SPECC1L: variants seen among roughly 807,000 people sequenced by gnomAD.
SPECC1L encodes sperm antigen with calponin homology and coiled-coil domains 1 like, also known as cytospin-A.
A neutral mutation model predicts 116.8 loss-of-function variants in SPECC1L; 40 were observed. The observed-to-expected ratio is 0.34, with a 90% CI of 0.27 to 0.45. The LOEUF is 0.45. Ranked by LOEUF, SPECC1L falls within the 20% of genes least tolerant of loss-of-function variation. The pLI, the probability that SPECC1L is intolerant of heterozygous loss-of-function variation, is 1.00. For missense variants in SPECC1L, 1,110 were observed against 1,373.6 expected (o/e 0.81, Z 3.03); for synonymous variants, 504 against 500.6 (o/e 1.01, Z -0.09).
At chr22:24,371,760 C>T (rs562688401) in intron 14 of SPECC1L, among the ~76,000 whole-genome samples, 4 of 152,210 alleles carry the variant, frequency 2.6e-5, no homozygotes, top group Non-Finnish European at 5.9e-5. Context: ...CTCATTCTGT[C>T]ACCCAGGCTG....
intron 3 of SPECC1L, among the ~76,000 whole-genome samples, chr22:24,310,352 A>T (rs962230026): frequency 1.3e-5 from 2 of 152,186 alleles, no homozygotes; most frequent in African/African-American, 4.8e-5. Flanking sequence ...GTATTATTGG[A>T]GGTGTATCTT....
At chr22:24,280,024 A>G (rs2048912105) in intron 2 of SPECC1L, among the ~76,000 whole-genome samples, 1 of 152,310 alleles carries the variant, frequency 6.6e-6, no homozygotes, top group African/African-American at 2.4e-5. Flanking sequence ...TGATGTCTAA[A>G]GGATGACATA....
In SPECC1L at chr22:24,415,076, GGA is replaced by G. The variant is rs1347837376; in HGVS notation, c.*457_*458del. The G allele has an allele frequency of 3.5e-5, 8 of 229,644 alleles. No individual in the cohort carries two copies. The South Asian group carries it at 3.7e-4, about 11-fold the overall frequency. 14.2% of individuals were successfully genotyped at this position (229,644 alleles called of 1,614,324 possible). ...TTCCGGTGCTGGTGAGAACCCAGAAGGAGAGTCAGCGCCTGGCAGTTCCCAGC... is the reference window on the plus strand; with the variant it reads ...TTCCGGTGCTGGTGAGAACCCAGAAGGAGTCAGCGCCTGGCAGTTCCCAGC... On this transcript the variant is annotated 3_prime_UTR_variant, in exon 17 of 17. Coordinates refer to ENST00000314328, the MANE Select transcript of SPECC1L (RefSeq NM_015330.6).
chr22:24,339,218 G>C (rs1407966273), intron 10 of SPECC1L, among the ~76,000 whole-genome samples: 1 of 152,162 alleles, frequency 6.6e-6, no homozygotes, highest in Non-Finnish European at 1.5e-5. Flanking sequence ...AGCTCCAAGA[G>C]ACTGAAAATG....
intron 14 of SPECC1L, among the ~76,000 whole-genome samples, chr22:24,409,805 G>A (rs886682308): frequency 6.6e-6 from 1 of 152,290 alleles, no homozygotes; most frequent in Non-Finnish European, 1.5e-5. Context: ...AGGTGACATC[G>A]CTTGAGCTCA....
intron 14 of SPECC1L, among the ~76,000 whole-genome samples, chr22:24,386,959 A>G (rs1361770057): frequency 1.3e-5 from 2 of 152,176 alleles, no homozygotes; most frequent in Non-Finnish European, 2.9e-5. Flanking sequence ...AGGCTTTGCT[A>G]TGTCTGCAGC....
intron 3 of SPECC1L, among the ~76,000 whole-genome samples, chr22:24,309,748 T>A (rs1349702563): frequency 6.6e-6 from 1 of 152,190 alleles, no homozygotes; most frequent in Non-Finnish European, 1.5e-5. Context: ...AGTTTGAGGA[T>A]TTATGGTCAA....
At chr22:24,367,799 G>A (rs1204406214) in intron 13 of SPECC1L, among the ~76,000 whole-genome samples, 1 of 152,148 alleles carries the variant, frequency 6.6e-6, no homozygotes, top group African/African-American at 2.4e-5. Flanking sequence ...GGAATACTAA[G>A]CTGCTTGTAA....
chr22:24,410,837 A>G (rs1569451366), intron 14 of SPECC1L, among the ~76,000 whole-genome samples: 1 of 152,152 alleles, frequency 6.6e-6, no homozygotes, highest in Non-Finnish European at 1.5e-5. Context: ...AGGATCTTTG[A>G]CATGCTTCAA....
intron 11 of SPECC1L, among the ~76,000 whole-genome samples, chr22:24,357,484 A>G (rs937632131): frequency 1.3e-5 from 2 of 152,132 alleles, no homozygotes; most frequent in Non-Finnish European, 2.9e-5. Flanking sequence ...TTTATTGATT[A>G]CTTTGTGTTC....
At chr22:24,338,818 G>T (rs988503326) in intron 10 of SPECC1L, among the ~76,000 whole-genome samples, 14 of 152,066 alleles carry the variant, frequency 9.2e-5, no homozygotes, top group African/African-American at 3.4e-4. Context: ...TTCACATGTG[G>T]TTACTGAGGC....
At chr22:24,380,043 G>A (rs1338803576) in intron 14 of SPECC1L, among the ~76,000 whole-genome samples, 1 of 152,048 alleles carries the variant, frequency 6.6e-6, no homozygotes, top group African/African-American at 2.4e-5. Flanking sequence ...GCTAATTTTT[G>A]TATTCTTAGT....
intron 15 of SPECC1L, chr22:24,412,275 A>C: frequency 2.7e-6 from 1 of 372,442 alleles, no homozygotes; most frequent in Non-Finnish European, 5.2e-6. Flanking sequence ...CCCCCATGTC[A>C]GCCCCCAGCC....
At chr22:24,289,944 T>C (rs551166800) in intron 2 of SPECC1L, among the ~76,000 whole-genome samples, 3 of 152,318 alleles carry the variant, frequency 2.0e-5, no homozygotes, top group Admixed American at 6.5e-5. Context: ...CTCTGCCTCC[T>C]CATTACCCCC....
In SPECC1L at chr22:24,321,895, T is replaced by C; in HGVS notation, c.915T>C (p.Asp305=). ...AAATCACCCCTGGTAACCAGAGCGA[T>C]GGAGGAGGAACTCTGACTTCTTCAG... The part of the protein sequence containing the change: ...SPEITPGNQS[D]GGGTLTSSVE... The change falls in exon 5 of 17, where the codon GAT becomes GAC. Residue 305 remains aspartate, a synonymous_variant. Transcript: ENST00000314328. 4.3e-6 allele frequency: 7 copies of C among 1,614,212 alleles called. No homozygotes were observed. The highest frequency in any genetic ancestry group is 5.9e-6 in the Non-Finnish European group (7 of 1,180,028).
chr22:24,337,702 A>G (rs2041088637), intron 9 of SPECC1L, among the ~76,000 whole-genome samples: 1 of 152,188 alleles, frequency 6.6e-6, no homozygotes, highest in East Asian at 1.9e-4. Flanking sequence ...ATCTTTCCAC[A>G]CTGTGTGTTT....
intron 14 of SPECC1L, among the ~76,000 whole-genome samples, chr22:24,393,017 A>G (rs1051259446): frequency 6.6e-6 from 1 of 152,242 alleles, no homozygotes; most frequent in African/African-American, 2.4e-5. Flanking sequence ...AGAGACAGGC[A>G]TAAGCCACCC....
intron 2 of SPECC1L, among the ~76,000 whole-genome samples, chr22:24,300,136 T>C (rs935948695): frequency 5.9e-5 from 9 of 152,148 alleles, no homozygotes; most frequent in Non-Finnish European, 1.2e-4. Flanking sequence ...TCTCCCCTCG[T>C]TCCCCACCCC....
chr22:24,351,330 TTTAA>T (rs1457734239), intron 11 of SPECC1L, among the ~76,000 whole-genome samples: 1 of 152,210 alleles, frequency 6.6e-6, no homozygotes, highest in Non-Finnish European at 1.5e-5. Flanking sequence ...AAGACTACCG[TTTAA>T]TTATTTCTGT....
Sources: allele counts gnomAD v4.1 joint callset (sites outside exome capture counted in the v4.1 genomes callset), GRCh38; gene constraint gnomAD v4.1.1; transcripts MANE v1.5; gene names NCBI Gene and HGNC (gene_info 2026-07-23, HGNC 2026-07-21).